FBXO34: variants seen among roughly 807,000 people sequenced by gnomAD.
FBXO34 encodes the protein F-box protein 34.
FBXO34 carries 12 observed loss-of-function variants against 24.5 expected under a neutral mutation model. The ratio of observed to expected loss-of-function variants is 0.49; its 90% CI spans 0.31 to 0.79. The LOEUF (loss-of-function observed/expected upper bound fraction) is 0.79, where lower values mean the gene tolerates loss of function less well. FBXO34 is among the 30% of genes least tolerant of loss of function. The pLI is 0.04. For missense variants in FBXO34, 823 were observed against 857.7 expected, an observed-to-expected ratio of 0.96 and a Z score of 0.51; for synonymous variants, 320 against 311.9, an observed-to-expected ratio of 1.03 and a Z score of -0.27.
chr14:55,302,088 G>A (rs1882375193), intron 1 of FBXO34, among the ~76,000 whole-genome samples: 1 of 152,202 alleles, frequency 6.6e-6, no homozygotes, highest in Non-Finnish European at 1.5e-5. Flanking sequence ...GCAAGGAAAG[G>A]CAAACTGGTT....
chr14:55,336,292 A>G (rs543609011), intron 1 of FBXO34, among the ~76,000 whole-genome samples: 10 of 152,150 alleles, frequency 6.6e-5, no homozygotes, highest in African/African-American at 2.4e-4. Context: ...GTTTTCAGTA[A>G]TGGGTGTAGA....
chr14:55,361,620 A>T (rs1185767502), intron 3 of FBXO34: 1 of 152,148 alleles, frequency 6.6e-6, no homozygotes, highest in East Asian at 1.9e-4. Context: ...TTCCAATAGG[A>T]TGCTGTTTCA....
the FBXO34 span, among the ~76,000 whole-genome samples, chr14:55,384,354 A>T: frequency 6.6e-6 from 1 of 152,226 alleles, no homozygotes; most frequent in Non-Finnish European, 1.5e-5. Context: ...CAAAGTATCA[A>T]TTCAGGAAAA....
At chr14:55,362,543 G>GA (rs1322097701), downstream of FBXO34, among the ~76,000 whole-genome samples, 3 of 152,068 alleles carry the variant, frequency 2.0e-5, no homozygotes, top group Non-Finnish European at 2.9e-5. Context: ...TTGTATAAAG[G>GA]AAAAAAAGAA....
At chr14:55,396,029 T>C in the FBXO34 span, 6 of 1,432,112 alleles carry the variant, frequency 4.2e-6, no homozygotes, top group Non-Finnish European at 5.7e-6. Flanking sequence ...ATAATAAAAT[T>C]CTGTGAAGTT....
At chr14:55,390,820 C>G in the FBXO34 span, 1 of 868,862 alleles carries the variant, frequency 1.2e-6, no homozygotes, top group Non-Finnish European at 1.8e-6. Flanking sequence ...CCCACCATCC[C>G]CTTCCTTTCT....
At chr14:55,417,949 C>A in the FBXO34 span, among the ~76,000 whole-genome samples, 2 of 152,152 alleles carry the variant, frequency 1.3e-5, no homozygotes, top group African/African-American at 4.8e-5. Flanking sequence ...AATTACTTAA[C>A]CACTTTCAGT....
the FBXO34 span, among the ~76,000 whole-genome samples, chr14:55,409,017 T>G: frequency 6.6e-6 from 1 of 152,208 alleles, no homozygotes; most frequent in Non-Finnish European, 1.5e-5. Flanking sequence ...ATTTCTATTG[T>G]GGCTGCTGTT....
chr14:55,350,931 G>A lies in FBXO34; in HGVS notation c.541G>A (p.Ala181Thr), dbSNP rs763233001. The A allele has an allele frequency of 7.4e-6, 12 of 1,613,914 alleles. No homozygotes were observed. In the African/African-American group the frequency reaches 1.2e-4, roughly 16 times the overall value. The change falls in exon 2 of 2, where the codon GCA (alanine) becomes ACA (threonine). Residue 181 changes from alanine (A) to threonine (T), a missense_variant. By Grantham distance (58) the Ala-to-Thr change is moderately conservative. This residue lies in a region of FBXO34 where 693 missense variants were observed against 659.1 expected (regional missense o/e 1.05). Transcript: ENST00000313833. ...NSRCYQPEPF[A>T]CGIEHCSVHY... Reference sequence around the variant, plus strand: ...CAGGTGCTACCAACCTGAGCCTTTTGCATGTGGCATTGAGCACTGTTCTGT... The same window carrying A: ...CAGGTGCTACCAACCTGAGCCTTTTACATGTGGCATTGAGCACTGTTCTGT...
chr14:55,364,302 C>T (rs759208614), downstream of FBXO34, among the ~76,000 whole-genome samples: 4 of 152,116 alleles, frequency 2.6e-5, no homozygotes, highest in Non-Finnish European at 4.4e-5. Flanking sequence ...TAGATCCCTC[C>T]CACCACCAGA....
the FBXO34 span, among the ~76,000 whole-genome samples, chr14:55,404,416 A>C: frequency 1.3e-5 from 2 of 152,226 alleles, no homozygotes; most frequent in Non-Finnish European, 2.9e-5. Flanking sequence ...CTGCTCTGCC[A>C]TGCGCAAGTA....
rs756831688 is a variant in FBXO34 at position 55,351,096 on chromosome 14, G to A, written c.706G>A (p.Val236Met). ...AAACTGCACAAACTCACCTGCAATT[G>A]TGAGGTTTTCTGGCCAATCCAGAGG... ...SKNCTNSPAI[V>M]RFSGQSRGVP... Residue 236 changes from valine (V) to methionine (M), a missense_variant, in exon 2 of 2, where the codon GTG becomes ATG. Around this residue, in one of 2 missense-constraint regions of FBXO34, gnomAD observed 693 missense variants for 659.1 expected, o/e 1.05. Coordinates refer to ENST00000313833, the MANE Select transcript of FBXO34 (RefSeq NM_017943.4). The A allele has an allele frequency of 1.9e-6, 3 of 1,614,208 alleles. No individual in the cohort carries two copies. The highest frequency in any genetic ancestry group is 2.5e-6 in the Non-Finnish European group (3 of 1,180,044).
In FBXO34 at chr14:55,350,565, C is replaced by T. The variant is rs768061007; in HGVS notation, c.175C>T (p.Arg59Ter). 9.3e-6 allele frequency: 15 copies of T among 1,612,978 alleles called. No homozygotes were observed. In the African/African-American group the frequency reaches 1.1e-4, roughly 12 times the overall value. Reference protein sequence around the residue: ...PSASLGKASSRKPFGILSPNV... With the variant: ...PSASLGKASS Reference sequence around the variant, plus strand: ...AGCCTCTCTCGGTAAAGCATCATCTCGAAAGCCATTTGGGATCCTTTCTCC... The same window carrying T: ...AGCCTCTCTCGGTAAAGCATCATCTTGAAAGCCATTTGGGATCCTTTCTCC... Residue 59 changes from arginine (R) to a stop codon, truncating the protein, a stop_gained, in exon 2 of 2, where the codon CGA becomes TGA. Transcript: ENST00000313833. LOFTEE classifies it low-confidence loss of function (END_TRUNC).
the FBXO34 span, among the ~76,000 whole-genome samples, chr14:55,429,225 G>GTACTTT: frequency 6.6e-6 from 1 of 152,184 alleles, no homozygotes; most frequent in East Asian, 1.9e-4. Context: ...CATATATGAA[G>GTACTTT]TACTTTTACT....
chr14:55,301,338 G>T (rs1256596311), intron 1 of FBXO34, among the ~76,000 whole-genome samples: 1 of 151,980 alleles, frequency 6.6e-6, no homozygotes, highest in African/African-American at 2.4e-5. Flanking sequence ...TCGGGAGGCT[G>T]AGGTGGGAGG....
the FBXO34 span, among the ~76,000 whole-genome samples, chr14:55,394,426 T>G: frequency 1.3e-5 from 2 of 152,178 alleles, no homozygotes; most frequent in Admixed American, 1.3e-4. Context: ...ATTTTAATTC[T>G]TTTTTAAAGT....
At chr14:55,433,609 T>C in the FBXO34 span, 1 of 1,592,082 alleles carries the variant, frequency 6.3e-7, no homozygotes, top group Admixed American at 1.7e-5. Context: ...CTGGTAGGGG[T>C]GGAGGGATGA....
intron 1 of FBXO34, among the ~76,000 whole-genome samples, chr14:55,338,341 G>A (rs1413689195): frequency 2.6e-5 from 4 of 151,794 alleles, no homozygotes; most frequent in African/African-American, 9.7e-5. Context: ...GAGCCACTGC[G>A]GCCAGCGAGT....
chr14:55,432,423 A>AC, the FBXO34 span, among the ~76,000 whole-genome samples: 98 of 151,970 alleles, frequency 6.4e-4, 1 homozygote, highest in African/African-American at 9.2e-4. Context: ...AGAAAAAAAA[A>AC]AACAACAAAT....
Sources: gnomAD v4.1 joint callset for allele counts (sites outside exome capture counted in the v4.1 genomes callset) on GRCh38, gnomAD v4.1.1 for gene constraint, gnomAD v4.1.1 regional missense constraint, MANE v1.5 for transcripts, NCBI Gene and HGNC (gene_info 2026-07-23, HGNC 2026-07-21) for gene names.